PLD1: variants seen among roughly 807,000 people sequenced by gnomAD.
PLD1 encodes phospholipase D1, also known as choline phosphatase 1.
In PLD1, 112 loss-of-function variants were observed where a neutral mutation model predicts 137.1. The ratio of observed to expected loss-of-function variants is 0.82; its 90% confidence interval spans 0.70 to 0.96. The LOEUF is 0.96. Among genes scored for constraint, PLD1 ranks in the 40% least tolerant of loss-of-function variants. The pLI, the probability that PLD1 is intolerant of heterozygous loss-of-function variation, is 0.00. For synonymous variants in PLD1, 431 were observed against 454.7 expected (o/e 0.95, Z 0.66); for missense variants, 1,321 against 1,342.0 (o/e 0.98, Z 0.24).
chr3:171,786,452 C>T (rs1445696977), intron 1 of PLD1, among the ~76,000 whole-genome samples: 3 of 152,194 alleles, frequency 2.0e-5, no homozygotes, highest in African/African-American at 7.2e-5. Context: ...AGAATCCTGT[C>T]TGCCCAGAGT....
intron 1 of PLD1, among the ~76,000 whole-genome samples, chr3:171,796,827 C>T (rs1723456492): frequency 6.6e-6 from 1 of 152,146 alleles, no homozygotes; most frequent in South Asian, 2.1e-4. Context: ...CATCACATGA[C>T]TGTATCCCTC....
At chr3:171,621,655 C>G (rs1216467685) in intron 23 of PLD1, among the ~76,000 whole-genome samples, 3 of 152,068 alleles carry the variant, frequency 2.0e-5, no homozygotes, top group Non-Finnish European at 4.4e-5. Context: ...TGTTGTATAG[C>G]TGTGTTTGAT....
intron 26 of PLD1, among the ~76,000 whole-genome samples, chr3:171,603,933 A>G (rs1257705459): frequency 6.6e-6 from 1 of 152,118 alleles, no homozygotes; most frequent in Non-Finnish European, 1.5e-5. Context: ...TTTCCCCCAA[A>G]TCCAGGACCC....
At chr3:171,645,928 T>C (rs531166827) in intron 21 of PLD1, among the ~76,000 whole-genome samples, 1 of 149,928 alleles carries the variant, frequency 6.7e-6, no homozygotes, top group Admixed American at 6.6e-5. Context: ...GGCCAGTATG[T>C]ATATTTAAGT....
At chr3:171,658,165 G>A (rs746251690) in intron 21 of PLD1, among the ~76,000 whole-genome samples, 5 of 152,080 alleles carry the variant, frequency 3.3e-5, no homozygotes, top group Non-Finnish European at 7.4e-5. Flanking sequence ...CAAAGAGAGA[G>A]ATAATAATAA....
intron 19 of PLD1, among the ~76,000 whole-genome samples, chr3:171,668,611 TCCTC>T (rs749759896): frequency 1.3e-5 from 2 of 152,080 alleles, no homozygotes; most frequent in African/African-American, 2.4e-5. Flanking sequence ...CTTTCTTTGT[TCCTC>T]CCTCCCTTCC....
At chr3:171,740,528 AAC>A (rs1719702882) in intron 1 of PLD1, among the ~76,000 whole-genome samples, 1 of 152,204 alleles carries the variant, frequency 6.6e-6, no homozygotes, top group South Asian at 2.1e-4. Context: ...CAACTTTCTT[AAC>A]ATAGTGAAGA....
chr3:171,755,730 G>A (rs1164430174), intron 1 of PLD1, among the ~76,000 whole-genome samples: 1 of 152,144 alleles, frequency 6.6e-6, no homozygotes, highest in Non-Finnish European at 1.5e-5. Flanking sequence ...TCCCTGAAGA[G>A]AGAGGCCATC....
chr3:171,631,158 T>C (rs1019181591), intron 23 of PLD1, among the ~76,000 whole-genome samples: 3 of 152,148 alleles, frequency 2.0e-5, no homozygotes, highest in Admixed American at 2.0e-4. Context: ...AAACTACTTT[T>C]GATTACAGAC....
intron 1 of PLD1, among the ~76,000 whole-genome samples, chr3:171,758,190 C>T (rs6766135): frequency 1.3e-3 from 194 of 152,164 alleles, no homozygotes; most frequent in African/African-American, 4.4e-3. Flanking sequence ...TCACAATAAC[C>T]CTATAGTGTA....
chr3:171,694,681 A>C (rs1715522120), intron 12 of PLD1, among the ~76,000 whole-genome samples: 1 of 152,168 alleles, frequency 6.6e-6, no homozygotes, highest in African/African-American at 2.4e-5. Flanking sequence ...AAGCAGATGA[A>C]ATTCTGCTTC....
intron 6 of PLD1, 139 bp from the exon 7 acceptor site, chr3:171,726,215 T>C: frequency 1.6e-6 from 1 of 634,120 alleles, no homozygotes; most frequent in Non-Finnish European, 2.8e-6. Flanking sequence ...ATAATGGCAT[T>C]GCACTAAAAG....
intron 1 of PLD1, among the ~76,000 whole-genome samples, chr3:171,790,225 T>A (rs1723162264): frequency 6.6e-6 from 1 of 152,216 alleles, no homozygotes; most frequent in Non-Finnish European, 1.5e-5. Flanking sequence ...CTCACAGGGA[T>A]CCAGCCTGCT....
intron 20 of PLD1, among the ~76,000 whole-genome samples, chr3:171,660,727 T>A (rs1737599123): frequency 6.6e-6 from 1 of 152,248 alleles, no homozygotes; most frequent in Middle Eastern, 3.4e-3. Context: ...TGCCTCAGCC[T>A]CCCAAGTAGT....
chr3:171,667,267 A>G (rs1712247574), intron 19 of PLD1, among the ~76,000 whole-genome samples: 1 of 152,198 alleles, frequency 6.6e-6, no homozygotes, highest in Non-Finnish European at 1.5e-5. Flanking sequence ...TTTTTCTTCC[A>G]GACTGTACTG....
At chr3:171,760,275 T>C (rs1304244039) in intron 1 of PLD1, among the ~76,000 whole-genome samples, 1 of 152,238 alleles carries the variant, frequency 6.6e-6, no homozygotes. Flanking sequence ...TTTTCCTTAA[T>C]GCCTTCAATT....
chr3:171,694,571 C>A (rs1188567571), intron 12 of PLD1, among the ~76,000 whole-genome samples: 1 of 150,588 alleles, frequency 6.6e-6, no homozygotes, highest in Non-Finnish European at 1.5e-5. Context: ...AAAAAAAAAG[C>A]CTTTCACTAA....
intron 1 of PLD1, among the ~76,000 whole-genome samples, chr3:171,796,689 G>A (rs925103137): frequency 3.3e-5 from 5 of 152,132 alleles, no homozygotes; most frequent in Non-Finnish European, 5.9e-5. Context: ...TCTTCTGAGA[G>A]ATCCAGCCAT....
chr3:171,797,021 TGTTA>T (rs1488152564), intron 1 of PLD1, among the ~76,000 whole-genome samples: 1 of 152,154 alleles, frequency 6.6e-6, no homozygotes, highest in Non-Finnish European at 1.5e-5. Flanking sequence ...ACCAAGAACA[TGTTA>T]GTTTAACTTT....
Sources: gnomAD v4.1 joint callset for allele counts (sites outside exome capture counted in the v4.1 genomes callset) on GRCh38, gnomAD v4.1.1 for gene constraint, MANE v1.5 for transcripts, NCBI Gene and HGNC (gene_info 2026-07-23, HGNC 2026-07-21) for gene names.